Variants in BCAR3 observed in about 807,000 individuals in gnomAD.
BCAR3 encodes the protein breast cancer anti-estrogen resistance protein 3.
BCAR3 carries 37 observed loss-of-function variants against 80.1 expected under a neutral mutation model. The ratio of observed to expected loss-of-function variants is 0.46; its 90% CI spans 0.36 to 0.61. The LOEUF is 0.61. Ranked by LOEUF, BCAR3 falls within the 20% of genes least tolerant of loss-of-function variation. The probability of loss-of-function intolerance (pLI) is 0.00; values close to 1 mark genes in which losing one functional copy is unlikely to be tolerated. For synonymous variants in BCAR3, 389 were observed against 418.9 expected, an observed-to-expected ratio of 0.93 and a Z score of 0.87; for missense variants, 978 against 1,068.2, an observed-to-expected ratio of 0.92 and a Z score of 1.18.
At chr1:93,584,308 A>G (rs1673853609) in intron 5 of BCAR3, among the ~76,000 whole-genome samples, 187 bp from the exon 6 acceptor site, 1 of 152,236 alleles carries the variant, frequency 6.6e-6, no homozygotes, top group African/African-American at 2.4e-5. Flanking sequence ...GACGATTAAT[A>G]TATGACTGTG....
intron 2 of BCAR3, among the ~76,000 whole-genome samples, chr1:93,761,736 C>T (rs1432962612): frequency 6.6e-6 from 1 of 152,142 alleles, no homozygotes; most frequent in Non-Finnish European, 1.5e-5. Flanking sequence ...ATCTGAACAT[C>T]CCCAGGCCAC....
intron 2 of BCAR3, among the ~76,000 whole-genome samples, chr1:93,835,760 G>A (rs1286425783): frequency 6.6e-6 from 1 of 152,124 alleles, no homozygotes. Context: ...CCCAGGACTG[G>A]CAAATTGACT....
At chr1:93,651,375 G>T (rs565076026) in intron 2 of BCAR3, among the ~76,000 whole-genome samples, 24 of 152,348 alleles carry the variant, frequency 1.6e-4, no homozygotes, top group Non-Finnish European at 2.8e-4. Flanking sequence ...TCATCTGGCA[G>T]ATGGGAAGCT....
intron 3 of BCAR3, among the ~76,000 whole-genome samples, chr1:93,608,196 A>G (rs986654970): frequency 9.2e-5 from 14 of 152,238 alleles, no homozygotes; most frequent in African/African-American, 3.4e-4. Flanking sequence ...CTAGACAGAA[A>G]AATAGGCCAT....
chr1:93,744,244 A>G (rs1044569660), intron 2 of BCAR3, among the ~76,000 whole-genome samples: 5 of 152,280 alleles, frequency 3.3e-5, no homozygotes, highest in Admixed American at 6.5e-5. Context: ...TTTATTCCCA[A>G]TGGTGCTTGA....
intron 3 of BCAR3, among the ~76,000 whole-genome samples, chr1:93,597,044 T>C (rs1390901010): frequency 1.3e-5 from 2 of 152,188 alleles, no homozygotes; most frequent in Non-Finnish European, 2.9e-5. Flanking sequence ...GCAGGGCTCA[T>C]ATCTTGTGCT....
At chr1:93,696,474 C>A (rs1649409308) in intron 3 of BCAR3, among the ~76,000 whole-genome samples, 1 of 152,064 alleles carries the variant, frequency 6.6e-6, no homozygotes, top group Non-Finnish European at 1.5e-5. Flanking sequence ...CAAAGTCATG[C>A]CCTCCTCTCC....
At chr1:93,772,539 T>G (rs1652394974) in intron 2 of BCAR3, among the ~76,000 whole-genome samples, 1 of 152,230 alleles carries the variant, frequency 6.6e-6, no homozygotes, top group African/African-American at 2.4e-5. Context: ...TTTCAGCTCT[T>G]CCTTTTGGGG....
chr1:93,769,505 A>C (rs1433344616), intron 2 of BCAR3, among the ~76,000 whole-genome samples: 1 of 151,920 alleles, frequency 6.6e-6, no homozygotes, highest in Non-Finnish European at 1.5e-5. Context: ...CCCCTTGAGG[A>C]CAGAACAATA....
intron 3 of BCAR3, among the ~76,000 whole-genome samples, chr1:93,616,738 A>AG (rs1161048892): frequency 3.3e-5 from 5 of 152,194 alleles, no homozygotes; most frequent in Admixed American, 3.3e-4. Flanking sequence ...AGGGCTTTCT[A>AG]AACACCATGC....
intron 3 of BCAR3, among the ~76,000 whole-genome samples, chr1:93,621,430 G>A (rs925221448): frequency 5.3e-5 from 8 of 152,128 alleles, no homozygotes; most frequent in African/African-American, 1.4e-4. Flanking sequence ...AGAGTCACGT[G>A]ACCAAAAAAT....
Position 93,615,001 on chromosome 1 carries a change from GTTC to G in BCAR3, c.358-22611_358-22609del, listed in dbSNP as rs950923155. On this transcript the variant is annotated intron_variant, in intron 3 of 11. Transcript: ENST00000260502. ...TCCAGTTATAGCGGATGCTCAACGA[GTTC>G]TTTTTTTTTTTTTTTTTTTTTAATC... Among the ~76,000 whole-genome samples the G allele has an allele frequency of 2.7e-4, 38 of 139,062 alleles. No homozygotes were observed. In the East Asian group the frequency reaches 5.5e-3, roughly 20 times the overall value. The allele number at this position is 139,062 out of a possible 152,430, so 91.2% of individuals were successfully genotyped here.
chr1:93,617,500 C>T (rs1675164640), intron 3 of BCAR3, among the ~76,000 whole-genome samples: 1 of 152,160 alleles, frequency 6.6e-6, no homozygotes, highest in African/African-American at 2.4e-5. Context: ...AGTGACTCAC[C>T]CCAGGCTTCA....
intron 2 of BCAR3, among the ~76,000 whole-genome samples, chr1:93,663,842 A>T (rs1035770351): frequency 6.6e-6 from 1 of 152,204 alleles, no homozygotes; most frequent in Non-Finnish European, 1.5e-5. Context: ...TTTCATTCAC[A>T]TCCTTAAACA....
intron 7 of BCAR3, among the ~76,000 whole-genome samples, chr1:93,579,492 G>A (rs1053385425): frequency 6.6e-6 from 1 of 152,146 alleles, no homozygotes; most frequent in Non-Finnish European, 1.5e-5. Context: ...GTCCAGGGGT[G>A]CCTGCAGGCA....
At chr1:93,645,820 A>C (rs1676136374) in intron 2 of BCAR3, among the ~76,000 whole-genome samples, 1 of 151,698 alleles carries the variant, frequency 6.6e-6, no homozygotes, top group Non-Finnish European at 1.5e-5. Flanking sequence ...CCTCTAGCAC[A>C]CCAAACTTTT....
At chr1:93,662,145 G>A (rs1455098970) in intron 2 of BCAR3, among the ~76,000 whole-genome samples, 5 of 152,232 alleles carry the variant, frequency 3.3e-5, no homozygotes, top group Non-Finnish European at 7.3e-5. Flanking sequence ...CATTTCTGAT[G>A]TCTAGAGTTA....
chr1:93,604,101 A>T (rs969505425), intron 3 of BCAR3, among the ~76,000 whole-genome samples: 1 of 152,230 alleles, frequency 6.6e-6, no homozygotes, highest in Non-Finnish European at 1.5e-5. Context: ...TTTTGTAGTT[A>T]GATCTCTATC....
At chr1:93,763,754 T>C in intron 2 of BCAR3, among the ~76,000 whole-genome samples, 1 of 152,190 alleles carries the variant, frequency 6.6e-6, no homozygotes, top group East Asian at 1.9e-4. Context: ...AGTAAATATT[T>C]AACATTGGCT....
Sources: allele counts gnomAD v4.1 joint callset (sites outside exome capture counted in the v4.1 genomes callset), GRCh38; gene constraint gnomAD v4.1.1; transcripts MANE v1.5; gene names NCBI Gene and HGNC (gene_info 2026-07-23, HGNC 2026-07-21).